NKAIN2: variants seen among roughly 807,000 people sequenced by gnomAD.
NKAIN2 encodes the protein sodium/potassium-transporting ATPase subunit beta-1-interacting protein 2.
In NKAIN2, 14 loss-of-function variants were observed where a neutral mutation model predicts 32.6. That is an observed-to-expected ratio of 0.43 (90% confidence interval 0.28 to 0.67). NKAIN2 has a LOEUF of 0.67. NKAIN2 is among the 30% of genes least tolerant of loss of function. The pLI, the probability that NKAIN2 is intolerant of heterozygous loss-of-function variation, is 0.17. For synonymous variants in NKAIN2, 80 were observed against 87.2 expected (o/e 0.92, Z 0.46); for missense variants, 198 against 258.3 (o/e 0.77, Z 1.60).
intron 1 of NKAIN2, among the ~76,000 whole-genome samples, chr6:124,237,446 A>C (rs1300467202): frequency 1.3e-5 from 2 of 152,120 alleles, no homozygotes; most frequent in African/African-American, 4.8e-5. Flanking sequence ...GTTAGTAAGC[A>C]GGGGCAATAG....
At chr6:124,111,184 C>T (rs1258364294) in intron 1 of NKAIN2, among the ~76,000 whole-genome samples, 1 of 151,964 alleles carries the variant, frequency 6.6e-6, no homozygotes, top group African/African-American at 2.4e-5. Context: ...GTGTATTCTG[C>T]TCCTGTTTGG....
intron 3 of NKAIN2, among the ~76,000 whole-genome samples, chr6:124,386,386 G>A (rs1772902762): frequency 6.6e-6 from 1 of 152,106 alleles, no homozygotes; most frequent in African/African-American, 2.4e-5. Context: ...ACTGTTGACT[G>A]GTTCACTGTT....
chr6:124,745,623 ATC>A (rs544611808), intron 4 of NKAIN2, among the ~76,000 whole-genome samples: 123 of 151,994 alleles, frequency 8.1e-4, no homozygotes, highest in African/African-American at 2.8e-3. Flanking sequence ...ATTCGCTGAG[ATC>A]TCTGTTTAAC....
intron 4 of NKAIN2, among the ~76,000 whole-genome samples, chr6:124,729,270 G>T (rs1583744867): frequency 6.7e-6 from 1 of 150,082 alleles, no homozygotes; most frequent in South Asian, 2.1e-4. Context: ...GAGAATTTTA[G>T]ACCAATATCC....
chr6:124,073,506 C>G (rs778955973), intron 1 of NKAIN2, among the ~76,000 whole-genome samples: 3 of 152,078 alleles, frequency 2.0e-5, no homozygotes, highest in Non-Finnish European at 4.4e-5. Context: ...TGGAGTGACT[C>G]TATGTGAGAG....
At chr6:124,317,789 T>C (rs1797024161) in intron 2 of NKAIN2, among the ~76,000 whole-genome samples, 1 of 152,112 alleles carries the variant, frequency 6.6e-6, no homozygotes, top group Non-Finnish European at 1.5e-5. Flanking sequence ...ATTCACATCT[T>C]GTGAAACTTT....
intron 2 of NKAIN2, among the ~76,000 whole-genome samples, chr6:124,342,270 G>A (rs1476261820): frequency 2.0e-5 from 3 of 151,214 alleles, no homozygotes; most frequent in African/African-American, 4.8e-5. Context: ...TTAGCCAGGC[G>A]TGGTGGTGGG....
intron 1 of NKAIN2, among the ~76,000 whole-genome samples, chr6:124,222,109 G>A (rs1173016958): frequency 6.6e-6 from 1 of 152,158 alleles, no homozygotes; most frequent in Non-Finnish European, 1.5e-5. Context: ...GATAGATAAT[G>A]TGAATCCAGG....
At chr6:124,701,224 A>G (rs1040570593) in intron 4 of NKAIN2, among the ~76,000 whole-genome samples, 13 of 151,442 alleles carry the variant, frequency 8.6e-5, no homozygotes, top group Non-Finnish European at 1.6e-4. Flanking sequence ...TTGGAATTTC[A>G]TTTCTTTTTT....
Position 124,589,087 on chromosome 6 carries a change from T to C in NKAIN2, c.274-69099T>C, listed in dbSNP as rs796290053. On this transcript the variant is annotated intron_variant, in intron 3 of 6. Coordinates refer to ENST00000368417, the MANE Select transcript of NKAIN2 (RefSeq NM_001040214.3). Reference sequence around the variant, plus strand: ...AAGATTAGCTTATGAACCAGAAAAGTATATACTTATATAGTTACATATAGT... The same window carrying C: ...AAGATTAGCTTATGAACCAGAAAAGCATATACTTATATAGTTACATATAGT... 2.6e-5 allele frequency among the ~76,000 whole-genome samples: 4 copies of C among 152,318 alleles called. No homozygotes were observed. In the South Asian group the frequency reaches 6.2e-4, roughly 24 times the overall value.
chr6:124,056,872 G>C (rs2114846090), intron 1 of NKAIN2, among the ~76,000 whole-genome samples: 1 of 152,076 alleles, frequency 6.6e-6, no homozygotes, highest in Admixed American at 6.6e-5. Context: ...TAGCCTGCTG[G>C]CTGTCCATCT....
At chr6:124,695,376 G>T (rs542314136) in intron 4 of NKAIN2, among the ~76,000 whole-genome samples, 1 of 152,148 alleles carries the variant, frequency 6.6e-6, no homozygotes, top group Admixed American at 6.5e-5. Context: ...GGTTTCTTAG[G>T]GCAAATCTAT....
intron 1 of NKAIN2, among the ~76,000 whole-genome samples, chr6:124,270,726 C>T (rs1441790861): frequency 6.6e-6 from 1 of 152,140 alleles, no homozygotes; most frequent in Non-Finnish European, 1.5e-5. Context: ...ATAGGCAACC[C>T]ATCATCCCTC....
intron 3 of NKAIN2, among the ~76,000 whole-genome samples, chr6:124,418,164 GTGTGTGTGTGTGTC>G (rs1774579745): frequency 6.6e-6 from 1 of 151,908 alleles, no homozygotes; most frequent in Non-Finnish European, 1.5e-5. Flanking sequence ...TGGACTGTGT[GTGTGTGTGTGTGTC>G]TGTGTGTGTG....
chr6:124,057,633 T>G (rs1582551628), intron 1 of NKAIN2, among the ~76,000 whole-genome samples: 2 of 150,956 alleles, frequency 1.3e-5, no homozygotes, highest in African/African-American at 2.4e-5. Flanking sequence ...TTAAATGCCC[T>G]CCTCTTTTTT....
intron 1 of NKAIN2, among the ~76,000 whole-genome samples, chr6:123,839,046 C>G (rs1774750809): frequency 6.6e-6 from 1 of 152,136 alleles, no homozygotes; most frequent in South Asian, 2.1e-4. Flanking sequence ...GTCCAGGAAG[C>G]AGAACAGCTC....
intron 1 of NKAIN2, among the ~76,000 whole-genome samples, chr6:123,903,496 T>C (rs548156113): frequency 1.3e-5 from 2 of 152,300 alleles, no homozygotes; most frequent in Non-Finnish European, 2.9e-5. Context: ...TTCAAGTAGA[T>C]AGGAATGGCC....
chr6:123,895,535 A>G (rs1334961017), intron 1 of NKAIN2, among the ~76,000 whole-genome samples: 1 of 152,134 alleles, frequency 6.6e-6, no homozygotes, highest in Non-Finnish European at 1.5e-5. Context: ...CTGTCCATCC[A>G]TCTAGTGCTG....
intron 3 of NKAIN2, among the ~76,000 whole-genome samples, chr6:124,365,178 T>C (rs749926231): frequency 2.0e-5 from 3 of 151,932 alleles, no homozygotes; most frequent in Non-Finnish European, 3.0e-5. Context: ...GGTGCTATAA[T>C]CTTAAATATA....
Sources: gnomAD v4.1 joint callset for allele counts (sites outside exome capture counted in the v4.1 genomes callset) on GRCh38, gnomAD v4.1.1 for gene constraint, MANE v1.5 for transcripts, NCBI Gene and HGNC (gene_info 2026-07-23, HGNC 2026-07-21) for gene names.